Variants in PABPC4L observed in about 807,000 individuals in gnomAD.
The protein encoded by PABPC4L is polyadenylate-binding protein 4-like.
For synonymous variants in PABPC4L, 169 were observed against 164.1 expected (o/e 1.03, Z -0.23); for missense variants, 452 against 451.4 (o/e 1.00, Z -0.01).
the PABPC4L span, among the ~76,000 whole-genome samples, chr4:134,059,092 A>G: frequency 4.6e-5 from 7 of 152,130 alleles, no homozygotes; most frequent in South Asian, 1.5e-3. Context: ...AAAAGTCTGT[A>G]TCAGAACAGT....
chr4:134,158,897 T>G, the PABPC4L span, among the ~76,000 whole-genome samples: 1 of 152,198 alleles, frequency 6.6e-6, no homozygotes, highest in Non-Finnish European at 1.5e-5. Flanking sequence ...TGATATAGCC[T>G]ATTGCTTTTA....
chr4:134,014,192 C>T, the PABPC4L span, among the ~76,000 whole-genome samples: 23 of 152,164 alleles, frequency 1.5e-4, no homozygotes, highest in East Asian at 1.9e-3. Flanking sequence ...AATCTGCTCC[C>T]GACATTAAAT....
At chr4:134,090,327 T>C in the PABPC4L span, among the ~76,000 whole-genome samples, 1 of 152,168 alleles carries the variant, frequency 6.6e-6, no homozygotes, top group African/African-American at 2.4e-5. Flanking sequence ...AAACATGTTA[T>C]ATACTAATAC....
downstream of PABPC4L, among the ~76,000 whole-genome samples, chr4:134,192,802 TA>T (rs1363823791): frequency 6.6e-6 from 1 of 152,096 alleles, no homozygotes; most frequent in Non-Finnish European, 1.5e-5. Context: ...GAATAAAGTT[TA>T]AGGTAATCAA....
chr4:133,955,476 T>G, the PABPC4L span, among the ~76,000 whole-genome samples: 25 of 152,148 alleles, frequency 1.6e-4, no homozygotes, highest in Non-Finnish European at 4.4e-5. Context: ...ATTACAATTA[T>G]TAACAGATAC....
At chr4:134,071,808 T>C in the PABPC4L span, among the ~76,000 whole-genome samples, 1 of 152,184 alleles carries the variant, frequency 6.6e-6, no homozygotes, top group South Asian at 2.1e-4. Context: ...GTAGAAATTC[T>C]AAGCATTTAA....
the PABPC4L span, among the ~76,000 whole-genome samples, chr4:134,191,232 T>C: frequency 6.6e-6 from 1 of 152,170 alleles, no homozygotes; most frequent in Non-Finnish European, 1.5e-5. Flanking sequence ...GATCCATTTG[T>C]CCTACTCTAT....
At chr4:134,015,618 C>T in the PABPC4L span, among the ~76,000 whole-genome samples, 5 of 152,108 alleles carry the variant, frequency 3.3e-5, no homozygotes, top group African/African-American at 1.2e-4. Context: ...CTCATAAAAA[C>T]ACATGTGCTC....
chr4:134,181,436 T>A, the PABPC4L span, among the ~76,000 whole-genome samples: 3,417 of 151,936 alleles, frequency 0.022, 132 homozygotes, highest in African/African-American at 0.078. Context: ...AAAAGCTGGA[T>A]GCATTCCCCT....
chr4:134,048,902 G>C, the PABPC4L span, among the ~76,000 whole-genome samples: 1 of 151,944 alleles, frequency 6.6e-6, no homozygotes. Context: ...AAATTTTAAA[G>C]TTTGTCTTAA....
chr4:133,974,939 T>C, the PABPC4L span, among the ~76,000 whole-genome samples: 2 of 152,116 alleles, frequency 1.3e-5, no homozygotes, highest in Non-Finnish European at 2.9e-5. Context: ...AAAAGTTTGA[T>C]AGACTCTGAT....
chr4:134,050,706 C>CCAAAAAA, the PABPC4L span, among the ~76,000 whole-genome samples: 5 of 82,982 alleles, frequency 6.0e-5, no homozygotes, highest in African/African-American at 2.6e-4. Context: ...CACCGTCTCC[C>CCAAAAAA]AAAAAAAAAA....
At chr4:134,129,049 T>G in the PABPC4L span, among the ~76,000 whole-genome samples, 1 of 151,956 alleles carries the variant, frequency 6.6e-6, no homozygotes, top group African/African-American at 2.4e-5. Flanking sequence ...AAAACAAACT[T>G]TAATGCAACA....
At chr4:134,103,691 G>A in the PABPC4L span, among the ~76,000 whole-genome samples, 1 of 151,660 alleles carries the variant, frequency 6.6e-6, no homozygotes, top group African/African-American at 2.4e-5. Flanking sequence ...GTAGATAAAG[G>A]AAAATAAATA....
At chr4:133,973,172 G>A in the PABPC4L span, among the ~76,000 whole-genome samples, 2 of 152,290 alleles carry the variant, frequency 1.3e-5, no homozygotes, top group East Asian at 1.9e-4. Context: ...CCAATTAAAT[G>A]TCTTGATTTA....
At chr4:134,021,456 A>G in the PABPC4L span, among the ~76,000 whole-genome samples, 1 of 152,154 alleles carries the variant, frequency 6.6e-6, no homozygotes, top group East Asian at 1.9e-4. Flanking sequence ...GGTTCTTTGC[A>G]CTAGTTCCCA....
At chr4:134,126,136 G>C in the PABPC4L span, among the ~76,000 whole-genome samples, 10 of 152,116 alleles carry the variant, frequency 6.6e-5, no homozygotes, top group African/African-American at 2.4e-4. Context: ...GTGTGGGAGA[G>C]AGAGAGAGAA....
At chr4:134,018,365 A>G in the PABPC4L span, among the ~76,000 whole-genome samples, 3 of 152,132 alleles carry the variant, frequency 2.0e-5, no homozygotes, top group Non-Finnish European at 2.9e-5. Flanking sequence ...TGGTCTCTTC[A>G]CACTGATGCG....
At position 134,199,649 on chromosome 4, in the gene PABPC4L, T is replaced by G. The variant is rs148883920; in HGVS notation, c.*258A>C. Reference sequence around the variant, plus strand: ...TAAAAATATATCTATTTATACTTATTGCTATGAACATATCAAAATAAGAAA... The same window carrying G: ...TAAAAATATATCTATTTATACTTATGGCTATGAACATATCAAAATAAGAAA... On this transcript the variant is annotated 3_prime_UTR_variant, in exon 2 of 2. Coordinates refer to ENST00000421491, the MANE Select transcript of PABPC4L (RefSeq NM_001114734.2). 1.8e-3 allele frequency: 718 copies of G among 388,216 alleles called. 6 individuals are homozygous for G. The highest frequency in any genetic ancestry group is 0.014 in the African/African-American group (660 of 47,818). 24.0% of individuals were successfully genotyped at this position (388,216 alleles called of 1,614,324 possible).
Sources: allele counts gnomAD v4.1 joint callset (sites outside exome capture counted in the v4.1 genomes callset), GRCh38; gene constraint gnomAD v4.1.1; transcripts MANE v1.5; gene names NCBI Gene and HGNC (gene_info 2026-07-23, HGNC 2026-07-21).